The following GPBP1 variants were observed in gnomAD, a reference collection of about 807,000 sequenced individuals.
GPBP1 encodes vasculin.
GPBP1 carries 13 observed loss-of-function variants against 56.5 expected under a neutral mutation model. The ratio of observed to expected loss-of-function variants is 0.23; its 90% CI spans 0.15 to 0.37. GPBP1 has a LOEUF of 0.37. Among genes scored for constraint, GPBP1 ranks in the 10% least tolerant of loss-of-function variants. GPBP1 has a pLI of 1.00. For synonymous variants in GPBP1, 204 were observed against 188.9 expected (o/e 1.08, Z -0.66); for missense variants, 477 against 572.3 (o/e 0.83, Z 1.70).
intron 3 of GPBP1, among the ~76,000 whole-genome samples, chr5:57,227,907 G>A (rs1226462392): frequency 6.6e-6 from 1 of 151,998 alleles, no homozygotes; most frequent in Non-Finnish European, 1.5e-5. Context: ...CAGGACTAAA[G>A]GGCAAGATAG....
intron 2 of GPBP1, among the ~76,000 whole-genome samples, chr5:57,211,867 C>T (rs1289689241): frequency 3.3e-5 from 5 of 151,974 alleles, no homozygotes; most frequent in Non-Finnish European, 5.9e-5. Context: ...CCGTCGTGCT[C>T]GGCCATTACG....
At chr5:57,236,598 G>A (rs1315758947) in intron 6 of GPBP1, among the ~76,000 whole-genome samples, 1 of 151,804 alleles carries the variant, frequency 6.6e-6, no homozygotes, top group Admixed American at 6.6e-5. Context: ...AAATAACCCA[G>A]CCCCCATTTT....
intron 2 of GPBP1, among the ~76,000 whole-genome samples, chr5:57,200,796 C>T (rs1240375779): frequency 2.0e-5 from 3 of 152,324 alleles, no homozygotes; most frequent in African/African-American, 4.8e-5. Flanking sequence ...ATTCTCCTGC[C>T]TCAGGCTAAC....
At chr5:57,234,945 A>G (rs1756602394) in intron 5 of GPBP1, among the ~76,000 whole-genome samples, 1 of 152,166 alleles carries the variant, frequency 6.6e-6, no homozygotes, top group Non-Finnish European at 1.5e-5. Flanking sequence ...AGTCAAGCCA[A>G]CCCAGACTTC....
At chr5:57,195,880 G>A (rs1256629610) in intron 2 of GPBP1, among the ~76,000 whole-genome samples, 1 of 141,906 alleles carries the variant, frequency 7.0e-6, no homozygotes, top group African/African-American at 2.6e-5. Context: ...GCATGCGCCT[G>A]TAGTCCCAGC....
At chr5:57,199,889 T>C (rs1754921524) in intron 2 of GPBP1, among the ~76,000 whole-genome samples, 1 of 151,996 alleles carries the variant, frequency 6.6e-6, no homozygotes, top group African/African-American at 2.4e-5. Flanking sequence ...TGACTAGACC[T>C]AGTGGTTTCA....
intron 6 of GPBP1, among the ~76,000 whole-genome samples, chr5:57,243,889 A>C (rs1023478036): frequency 1.3e-5 from 2 of 151,796 alleles, no homozygotes; most frequent in Non-Finnish European, 2.9e-5. Flanking sequence ...AAGTTTCACT[A>C]TATTGCCCAG....
intron 3 of GPBP1, among the ~76,000 whole-genome samples, chr5:57,223,718 G>T (rs1756052455): frequency 6.6e-6 from 1 of 150,444 alleles, no homozygotes; most frequent in African/African-American, 2.4e-5. Flanking sequence ...GGTATAATTG[G>T]TATAAAAGAA....
intron 3 of GPBP1, among the ~76,000 whole-genome samples, chr5:57,230,511 T>C (rs1003434700): frequency 2.0e-5 from 3 of 152,210 alleles, no homozygotes; most frequent in Non-Finnish European, 2.9e-5. Flanking sequence ...GTAGTGAAAA[T>C]TTATATCAAG....
Position 57,187,756 on chromosome 5 carries a change from CAGT to C in GPBP1, c.-58+11357_-58+11359del, listed in dbSNP as rs547427687. On this transcript the variant is annotated intron_variant, in intron 2 of 11. Coordinates refer to ENST00000506184, the MANE Select transcript of GPBP1 (RefSeq NM_022913.4). The stretch of plus-strand genomic sequence containing the variant: ...CTTTGAAATTGTAAAATAATACAGA[CAGT>C]GGTGTTGTGGCTGGTCACAGGTGAT... Among the ~76,000 whole-genome samples, 230 of 151,982 alleles carry C rather than the reference CAGT, an allele frequency of 1.5e-3. 2 individuals are homozygous for C. The highest frequency in any genetic ancestry group is 5.1e-3 in the African/African-American group (211 of 41,458).
rs903197531 is a variant in GPBP1 at position 57,264,424 on chromosome 5, T to TA, written c.*1673dup. ...TAATAGATTAATGAAATTTATCAGA[T>TA]ACAACCTGTATTTCCAAAAACAAGC... On this transcript the variant is annotated 3_prime_UTR_variant, in exon 12 of 12. Transcript: ENST00000506184. The TA allele has an allele frequency of 2.0e-5, 3 of 152,168 alleles. No homozygotes were observed. Among genetic ancestry groups the TA allele is most frequent in the Non-Finnish European group, 2.9e-5 (2 of 68,014 alleles). 9.4% of individuals were successfully genotyped at this position (152,168 alleles called of 1,614,324 possible).
rs549454710 is a variant in GPBP1 at position 57,185,392 on chromosome 5, C to T, written c.-58+8992C>T. Among the ~76,000 whole-genome samples, 443 of 152,008 alleles carry T rather than the reference C, an allele frequency of 2.9e-3. 2 individuals are homozygous for T. Among genetic ancestry groups the T allele is most frequent in the African/African-American group, 0.01 (426 of 41,474 alleles). ...TTCTCCTGTCTCAGCGTCTGAGTAG[C>T]TGGGATTACAGGCACATGCCACAAT... On this transcript the variant is annotated intron_variant, in intron 2 of 11. Coordinates refer to ENST00000506184, the MANE Select transcript of GPBP1 (RefSeq NM_022913.4).
intron 2 of GPBP1, among the ~76,000 whole-genome samples, chr5:57,199,487 A>G (rs759170499): frequency 6.6e-5 from 10 of 151,892 alleles, no homozygotes; most frequent in Non-Finnish European, 1.5e-4. Context: ...TTGAAAGGTG[A>G]CACTTCTCCT....
At chr5:57,180,093 A>C (rs891817999) in intron 2 of GPBP1, among the ~76,000 whole-genome samples, 3 of 152,090 alleles carry the variant, frequency 2.0e-5, no homozygotes, top group Non-Finnish European at 2.9e-5. Flanking sequence ...GCAAGTGAGG[A>C]TAGAGTTTAA....
At chr5:57,241,342 C>G (rs1341402262) in intron 6 of GPBP1, among the ~76,000 whole-genome samples, 1 of 152,164 alleles carries the variant, frequency 6.6e-6, no homozygotes, top group Non-Finnish European at 1.5e-5. Flanking sequence ...CCCGTCATCA[C>G]TGCATTTATA....
intron 3 of GPBP1, among the ~76,000 whole-genome samples, chr5:57,217,835 T>C (rs1755765082): frequency 6.6e-6 from 1 of 152,138 alleles, no homozygotes; most frequent in African/African-American, 2.4e-5. Context: ...CTGGGCAACA[T>C]GGTGAAACCC....
intron 2 of GPBP1, among the ~76,000 whole-genome samples, chr5:57,182,820 A>C (rs1419267014): frequency 6.6e-6 from 1 of 152,062 alleles, no homozygotes; most frequent in Admixed American, 6.6e-5. Flanking sequence ...AGTAGCTGGG[A>C]CTATAGGCGC....
At chr5:57,246,989 A>G in intron 7 of GPBP1, 86 bp from the exon 8 acceptor site, 2 of 1,224,202 alleles carry the variant, frequency 1.6e-6, no homozygotes, top group Non-Finnish European at 2.3e-6. Flanking sequence ...TAGCGTAGTC[A>G]TTTTTGTTTT....
rs1046976081 is a variant in GPBP1 at position 57,263,839 on chromosome 5, C to T, written c.*1087C>T. On this transcript the variant is annotated 3_prime_UTR_variant, in exon 12 of 12. Coordinates refer to ENST00000506184, the MANE Select transcript of GPBP1 (RefSeq NM_022913.4). ...GGAATTGTTTCTGTTTTGCTGCTGA[C>T]GGAAATACTATTTTGGCTCTGTGTA... 1.4e-4 allele frequency: 21 copies of T among 152,052 alleles called. No homozygotes were observed. Among genetic ancestry groups the T allele is most frequent in the African/African-American group, 4.1e-4 (17 of 41,394 alleles). The allele number at this position is 152,052 out of a possible 1,614,324, so 9.4% of individuals were successfully genotyped here.
Sources: gnomAD v4.1 joint callset for allele counts (sites outside exome capture counted in the v4.1 genomes callset) on GRCh38, gnomAD v4.1.1 for gene constraint, MANE v1.5 for transcripts, NCBI Gene and HGNC (gene_info 2026-07-23, HGNC 2026-07-21) for gene names.